CCNY: variants seen among roughly 807,000 people sequenced by gnomAD.
The protein encoded by CCNY is cyclin-Y.
Under a neutral mutation model 42.8 loss-of-function variants are expected in CCNY, and 19 were observed. The ratio of observed to expected loss-of-function variants is 0.44; its 90% CI spans 0.31 to 0.65. The LOEUF (loss-of-function observed/expected upper bound fraction) is 0.65. Among genes scored for constraint, CCNY ranks in the 30% least tolerant of loss-of-function variants. The pLI, the probability that CCNY is intolerant of heterozygous loss-of-function variation, is 0.07. For missense variants in CCNY, 370 were observed against 437.3 expected (o/e 0.85, Z 1.37); for synonymous variants, 165 against 162.7 (o/e 1.01, Z -0.11).
At chr10:35,554,414 T>A (rs949309912) in intron 8 of CCNY, among the ~76,000 whole-genome samples, 4 of 152,256 alleles carry the variant, frequency 2.6e-5, no homozygotes, top group South Asian at 2.1e-4. Context: ...GAAGTTTTTT[T>A]AATCAGAACT....
chr10:35,553,846 T>A (rs1841310316), intron 8 of CCNY, among the ~76,000 whole-genome samples: 2 of 152,040 alleles, frequency 1.3e-5, no homozygotes, highest in African/African-American at 4.8e-5. Context: ...GTGAGGATTA[T>A]TAGTAGGACA....
At chr10:35,456,784 A>G (rs1227879493) in intron 1 of CCNY, among the ~76,000 whole-genome samples, 1 of 152,210 alleles carries the variant, frequency 6.6e-6, no homozygotes. Flanking sequence ...CTTAAAATAT[A>G]TATCAGGTCT....
chr10:35,474,287 A>G (rs1382346107), intron 1 of CCNY, among the ~76,000 whole-genome samples: 2 of 152,226 alleles, frequency 1.3e-5, no homozygotes, highest in Non-Finnish European at 2.9e-5. Flanking sequence ...AACTGGGTGG[A>G]GCCCACCACA....
intron 3 of CCNY, among the ~76,000 whole-genome samples, chr10:35,277,815 G>C (rs1434718104): frequency 6.6e-6 from 1 of 152,092 alleles, no homozygotes; most frequent in Non-Finnish European, 1.5e-5. Flanking sequence ...TGGTATTCAG[G>C]GGGGATTTCC....
Position 35,383,593 on chromosome 10 carries a change from C to T in CCNY, c.154+46386C>T, listed in dbSNP as rs146854064. Among the ~76,000 whole-genome samples the T allele has an allele frequency of 2.8e-3, 430 of 152,274 alleles. 2 individuals are homozygous for T. The highest frequency in any genetic ancestry group is 8.9e-3 in the African/African-American group (371 of 41,562). On this transcript the variant is annotated intron_variant, in intron 1 of 9. Transcript: ENST00000374704. Reference sequence around the variant, plus strand: ...AAAGTGTTGGGATTACAGGCATGAGCCCTCGTGCCTGGCCTGAAACATTTT... The same window carrying T: ...AAAGTGTTGGGATTACAGGCATGAGTCCTCGTGCCTGGCCTGAAACATTTT...
chr10:35,461,386 A>G (rs1233395000), intron 1 of CCNY, among the ~76,000 whole-genome samples: 1 of 152,180 alleles, frequency 6.6e-6, no homozygotes, highest in Middle Eastern at 3.2e-3. Flanking sequence ...AAGAGGAAAC[A>G]TCAGGAGTAA....
At chr10:35,269,283 TTCCTTC>T (rs2095728761) in intron 3 of CCNY, among the ~76,000 whole-genome samples, 4 of 151,500 alleles carry the variant, frequency 2.6e-5, no homozygotes, top group Admixed American at 2.6e-4. Flanking sequence ...CCTTCCTTCC[TTCCTTC>T]CTTCCTTCCT....
chr10:35,280,478 AGAAGGAAGGAAGGAAG>A (rs144433317), intron 3 of CCNY, among the ~76,000 whole-genome samples: 4 of 148,410 alleles, frequency 2.7e-5, no homozygotes, highest in East Asian at 4.0e-4. Context: ...AAGGAAGGAA[AGAAGGAAGGAAGGAAG>A]GAAGGAAGGA....
intron 1 of CCNY, among the ~76,000 whole-genome samples, chr10:35,477,624 GA>G (rs1206518836): frequency 2.6e-5 from 4 of 151,128 alleles, no homozygotes; most frequent in African/African-American, 9.7e-5. Flanking sequence ...ATTAGGTATT[GA>G]TGGGACATAT....
At chr10:35,450,705 T>TTTTC (rs1460727980) in intron 1 of CCNY, among the ~76,000 whole-genome samples, 6 of 152,118 alleles carry the variant, frequency 3.9e-5, no homozygotes. Context: ...TCTTTTTTTT[T>TTTTC]TTTCTTTCTC....
chr10:35,530,347 T>G lies in CCNY; in HGVS notation c.579+104T>G. The G allele has an allele frequency of 7.0e-7, 1 of 1,425,616 alleles. No individual in the cohort carries two copies. The highest frequency in any genetic ancestry group is 9.7e-7 in the Non-Finnish European group (1 of 1,033,658). 88.3% of individuals were successfully genotyped at this position (1,425,616 alleles called of 1,614,324 possible). On this transcript the variant is annotated intron_variant, in intron 7 of 9. Coordinates refer to ENST00000374704, the MANE Select transcript of CCNY (RefSeq NM_145012.6). The surrounding 1 kb of genome is among the most constrained non-coding windows in gnomAD (Gnocchi z 4.3). ...GTTGGAGCAGGGAATCCTCACCAGG[T>G]TACCCTGTGGACACCGTGGCATAAG...
chr10:35,531,956 T>G (rs1005782885), intron 7 of CCNY, among the ~76,000 whole-genome samples: 1 of 152,156 alleles, frequency 6.6e-6, no homozygotes, highest in African/African-American at 2.4e-5. Flanking sequence ...TTCTTTGGAG[T>G]AGTGTAGGAC....
intron 3 of CCNY, among the ~76,000 whole-genome samples, chr10:35,321,237 T>C (rs535909508): frequency 1.3e-5 from 2 of 151,448 alleles, no homozygotes; most frequent in East Asian, 3.9e-4. Flanking sequence ...CAATTAAAAC[T>C]ATAAAAACAT....
chr10:35,286,551 G>A (rs572208588), intron 3 of CCNY, among the ~76,000 whole-genome samples: 1 of 150,742 alleles, frequency 6.6e-6, no homozygotes, highest in East Asian at 2.0e-4. Flanking sequence ...TAGAGACAGG[G>A]TTTCGCCATG....
Position 35,251,589 on chromosome 10 carries a change from C to CT in CCNY, c.-9+980dup, listed in dbSNP as rs34197441. Among the ~76,000 whole-genome samples the CT allele has an allele frequency of 1.7e-3, 230 of 139,358 alleles. 1 individual carries two copies. The highest frequency in any genetic ancestry group is 3.1e-3 in the East Asian group (15 of 4,832). The allele number at this position is 139,358 out of a possible 152,430, so 91.4% of individuals were successfully genotyped here. On this transcript the variant is annotated intron_variant, in intron 3 of 11. Coordinates refer to the CCNY transcript ENST00000374706. ...CCTAGCAAGCAATCCTTCAATGTCACTTTTTTTTTTTTTTTTTGAGACGGG... is the reference window on the plus strand; with the variant it reads ...CCTAGCAAGCAATCCTTCAATGTCACTTTTTTTTTTTTTTTTTTGAGACGGG...
chr10:35,461,421 G>A (rs972270308), intron 1 of CCNY, among the ~76,000 whole-genome samples: 1 of 152,184 alleles, frequency 6.6e-6, no homozygotes, highest in African/African-American at 2.4e-5. Context: ...AAATCAGTCT[G>A]ACAGGATTCT....
intron 3 of CCNY, among the ~76,000 whole-genome samples, chr10:35,292,903 CT>C (rs756873859): frequency 5.9e-5 from 9 of 151,452 alleles, no homozygotes; most frequent in Non-Finnish European, 1.0e-4. Context: ...CCTCAGCCTC[CT>C]GAGTAGCTGG....
rs1464157578 is a variant in CCNY at position 35,570,448 on chromosome 10, G to C, written c.*1278G>C. The C allele has an allele frequency of 2.0e-5, 3 of 152,254 alleles. No homozygotes were observed. The East Asian group carries it at 5.6e-4, about 29-fold the overall frequency. 9.4% of individuals were successfully genotyped at this position (152,254 alleles called of 1,614,324 possible). A position where few individuals can be genotyped will look rare whatever the true frequency, so the allele number is the denominator to read the frequency against. Reference sequence around the variant, plus strand: ...ACTTTTTCATTTTCTGACGATCCCTGATTTCCTTATGGACTCAATAAGAAT... The same window carrying C: ...ACTTTTTCATTTTCTGACGATCCCTCATTTCCTTATGGACTCAATAAGAAT... On this transcript the variant is annotated 3_prime_UTR_variant, in exon 10 of 10. Transcript: ENST00000374704.
chr10:35,534,170 C>T (rs556911888), intron 7 of CCNY, among the ~76,000 whole-genome samples: 154 of 152,182 alleles, frequency 1.0e-3, no homozygotes, highest in South Asian at 1.9e-3. Context: ...TACAGGCTTG[C>T]GCCACCATGC....
Sources: gnomAD v4.1 joint callset for allele counts (sites outside exome capture counted in the v4.1 genomes callset) on GRCh38, gnomAD v4.1.1 for gene constraint, Gnocchi (gnomAD v3.1) non-coding constraint, MANE v1.5 for transcripts, NCBI Gene and HGNC (gene_info 2026-07-23, HGNC 2026-07-21) for gene names.